THADA: variants seen among roughly 807,000 people sequenced by gnomAD.
The protein encoded by THADA is tRNA (32-2'-O)-methyltransferase regulator THADA.
Under a neutral mutation model 219.8 loss-of-function variants are expected in THADA, and 213 were observed. The ratio of observed to expected loss-of-function variants is 0.97; its 90% CI spans 0.87 to 1.09. The LOEUF is 1.09. Ranked by LOEUF, THADA falls within the 50% of genes least tolerant of loss-of-function variation. The pLI is 0.00. For missense variants in THADA, 2,956 were observed against 2,311.3 expected (o/e 1.28, Z -5.72); for synonymous variants, 1,018 against 828.9 (o/e 1.23, Z -3.92).
chr2:43,235,512 C>T (rs1012149490), intron 36 of THADA, among the ~76,000 whole-genome samples: 12 of 151,766 alleles, frequency 7.9e-5, no homozygotes, highest in Admixed American at 3.3e-4. Context: ...AGGCTGATCT[C>T]GAACTCCTGA....
chr2:43,420,325 G>A (rs72613900), intron 28 of THADA, among the ~76,000 whole-genome samples: 13,585 of 152,242 alleles, frequency 0.089, 801 homozygotes, highest in East Asian at 0.19. Context: ...TAGACGGTAA[G>A]TTCTTTAAGC....
At chr2:43,540,535 G>A (rs1053422342) in intron 21 of THADA, among the ~76,000 whole-genome samples, 18 of 152,074 alleles carry the variant, frequency 1.2e-4, no homozygotes, top group Non-Finnish European at 2.4e-4. Flanking sequence ...GAAAAATGGT[G>A]GGAAATGGAT....
chr2:43,570,399 G>A lies in THADA; in HGVS notation c.2176C>T (p.Gln726Ter), dbSNP rs1396942461. The change falls in exon 14 of 38, where the codon CAG becomes TAG. Residue 726 changes from glutamine to a stop codon, truncating the protein, a stop_gained. Transcript: ENST00000405975. LOFTEE classifies it high-confidence loss of function. ...AATATATCACCTACCTTATACTGCT[G>A]TAAAGAAACAGAAGGGTGCTGTTTG... ...LTKQHPSVSL[Q>*]QYKNFMSSIC... is the part of the protein sequence containing the mutation. 6.2e-7 allele frequency: 1 copy of A among 1,611,558 alleles called. No homozygotes were observed. The highest frequency in any genetic ancestry group is 1.1e-5 in the South Asian group (1 of 90,374).
At position 43,465,140 on chromosome 2, in the gene THADA, C is replaced by T. The variant is rs1441901955; in HGVS notation, c.3836+20094G>A. On this transcript the variant is annotated intron_variant, in intron 26 of 37. Coordinates refer to ENST00000405975, the MANE Select transcript of THADA (RefSeq NM_022065.5). ...TCTACACTATGTAAAGCAATAGGAACTATTCTCTAAATCTTGGTTTCTAAT... is the reference window on the plus strand; with the variant it reads ...TCTACACTATGTAAAGCAATAGGAATTATTCTCTAAATCTTGGTTTCTAAT... Among the ~76,000 whole-genome samples the T allele has an allele frequency of 2.6e-5, 4 of 152,282 alleles. No individual in the cohort carries two copies. In the South Asian group the frequency reaches 6.2e-4, roughly 24 times the overall value.
At chr2:43,266,689 A>C (rs1267874915) in intron 36 of THADA, among the ~76,000 whole-genome samples, 2 of 152,274 alleles carry the variant, frequency 1.3e-5, no homozygotes, top group South Asian at 2.1e-4. Flanking sequence ...TGAAAGGAGG[A>C]GTCTCCTAAA....
intron 36 of THADA, among the ~76,000 whole-genome samples, chr2:43,257,689 T>C (rs915852207): frequency 2.0e-5 from 3 of 152,138 alleles, no homozygotes; most frequent in Non-Finnish European, 4.4e-5. Context: ...AGGCCACCTA[T>C]CAATAAAAGC....
rs561344500 is a variant in THADA, at chr2:43,376,703, C to T, written c.4227+21268G>A. Among the ~76,000 whole-genome samples the T allele has an allele frequency of 1.3e-4, 20 of 152,296 alleles. No homozygotes were observed. The South Asian group carries it at 1.4e-3, about 11-fold the overall frequency. On this transcript the variant is annotated intron_variant, in intron 29 of 37. Coordinates refer to ENST00000405975, the MANE Select transcript of THADA (RefSeq NM_022065.5). ...CGCAGAGGCTCTGGCAACCTAGATA[C>T]ATTACAACACACTTATCTCTACCCA...
chr2:43,442,995 C>A (rs74908485), intron 26 of THADA, among the ~76,000 whole-genome samples: 37 of 152,324 alleles, frequency 2.4e-4, no homozygotes, highest in Non-Finnish European at 4.1e-4. Context: ...TCCCTGATAT[C>A]TCAAGTCTAG....
At chr2:43,303,361 A>G (rs575993252) in intron 31 of THADA, among the ~76,000 whole-genome samples, 1 of 152,320 alleles carries the variant, frequency 6.6e-6, no homozygotes, top group South Asian at 2.1e-4. Context: ...TAACTAACCA[A>G]GGGAGAGTGC....
At chr2:43,244,150 A>C (rs1415994773) in intron 36 of THADA, among the ~76,000 whole-genome samples, 1 of 152,248 alleles carries the variant, frequency 6.6e-6, no homozygotes, top group Non-Finnish European at 1.5e-5. Flanking sequence ...TGATTTTAAA[A>C]ATGGACACAG....
intron 36 of THADA, among the ~76,000 whole-genome samples, chr2:43,250,357 C>T (rs753550141): frequency 1.5e-4 from 23 of 152,096 alleles, no homozygotes; most frequent in Non-Finnish European, 2.5e-4. Flanking sequence ...GGAAAAGTCA[C>T]GGAGACAGAA....
chr2:43,303,281 T>A (rs1480725431), intron 31 of THADA, among the ~76,000 whole-genome samples: 1 of 152,212 alleles, frequency 6.6e-6, no homozygotes, highest in Non-Finnish European at 1.5e-5. Context: ...GGTTGGAGAT[T>A]CCAGTGTAAT....
chr2:43,243,075 C>A (rs1419818261), intron 36 of THADA, among the ~76,000 whole-genome samples: 1 of 152,156 alleles, frequency 6.6e-6, no homozygotes, highest in Admixed American at 6.5e-5. Flanking sequence ...CAGAAAGTTG[C>A]GAAGATTCTA....
chr2:43,548,269 GC>G (rs1288130222), intron 20 of THADA, among the ~76,000 whole-genome samples: 1 of 152,190 alleles, frequency 6.6e-6, no homozygotes, highest in African/African-American at 2.4e-5. Context: ...GTGTCAGTCT[GC>G]CCCTACTGGG....
chr2:43,241,497 T>C (rs13419550), intron 36 of THADA, among the ~76,000 whole-genome samples: 19,420 of 148,612 alleles, frequency 0.13, 1,390 homozygotes, highest in African/African-American at 0.18. Context: ...TCAGCTAAAC[T>C]GTACTAAACA....
chr2:43,438,740 T>TA (rs1177284341), intron 26 of THADA, among the ~76,000 whole-genome samples: 5 of 152,344 alleles, frequency 3.3e-5, no homozygotes, highest in South Asian at 2.1e-4. Flanking sequence ...TCCATACCCC[T>TA]AGTGGATGCC....
chr2:43,588,363 T>C (rs189922114), intron 4 of THADA, among the ~76,000 whole-genome samples: 2 of 150,804 alleles, frequency 1.3e-5, no homozygotes, highest in South Asian at 2.1e-4. Flanking sequence ...AAAGCACATA[T>C]AGCAAGGTAT....
At chr2:43,340,110 C>T (rs1666913079) in intron 30 of THADA, among the ~76,000 whole-genome samples, 1 of 152,094 alleles carries the variant, frequency 6.6e-6, no homozygotes, top group African/African-American at 2.4e-5. Context: ...GTTTAGTTTT[C>T]TTTCAGTAGT....
At chr2:43,340,614 G>C (rs1666961176) in intron 30 of THADA, among the ~76,000 whole-genome samples, 1 of 152,062 alleles carries the variant, frequency 6.6e-6, no homozygotes. Flanking sequence ...TAAAATTTAA[G>C]GCAACATTTT....
Sources: allele counts gnomAD v4.1 joint callset (sites outside exome capture counted in the v4.1 genomes callset), GRCh38; gene constraint gnomAD v4.1.1; transcripts MANE v1.5; gene names NCBI Gene and HGNC (gene_info 2026-07-23, HGNC 2026-07-21).